STK11: variants seen among roughly 807,000 people sequenced by gnomAD.
STK11 encodes serine/threonine-protein kinase STK11.
STK11 carries 8 observed loss-of-function variants against 47.3 expected under a neutral mutation model. That is an observed-to-expected ratio of 0.17 (90% CI 0.10 to 0.31). The LOEUF (loss-of-function observed/expected upper bound fraction) is 0.31, where lower values mean the gene tolerates loss of function less well. Among genes scored for constraint, STK11 ranks in the 10% least tolerant of loss-of-function variants. The pLI is 1.00. For missense variants in STK11, 475 were observed against 605.0 expected, an observed-to-expected ratio of 0.79 and a Z score of 2.25; for synonymous variants, 330 against 255.8, an observed-to-expected ratio of 1.29 and a Z score of -2.77.
At chr19:1,217,604 G>A (rs953890464) in intron 1 of STK11, among the ~76,000 whole-genome samples, 4 of 152,288 alleles carry the variant, frequency 2.6e-5, no homozygotes, top group Admixed American at 1.3e-4. Context: ...AGTGACAGGC[G>A]GGTGGGTGTG....
intron 1 of STK11, among the ~76,000 whole-genome samples, chr19:1,216,668 C>T (rs762559774): frequency 6.6e-6 from 1 of 151,330 alleles, no homozygotes; most frequent in South Asian, 2.1e-4. Flanking sequence ...GTAGTTCAAA[C>T]GAGACCAGCC....
Position 1,206,065 on chromosome 19 carries a change from G to C in STK11, c.-849G>C, listed in dbSNP as rs1212282377. 1 of 145,986 alleles carries C rather than the reference G, an allele frequency of 6.8e-6. No individual in the cohort carries two copies. Among genetic ancestry groups the C allele is most frequent in the Non-Finnish European group, 1.5e-5 (1 of 65,730 alleles). The allele number at this position is 145,986 out of a possible 1,614,324, so 9.0% of individuals were successfully genotyped here. A position where few individuals can be genotyped will look rare whatever the true frequency, so the allele number is the denominator to read the frequency against. Reference sequence around the variant, plus strand: ...AGCCCCGTGGAGCCCCCGCCGCCGCGCCGCCCCGCGGACCGGACGCTGAGG... The same window carrying C: ...AGCCCCGTGGAGCCCCCGCCGCCGCCCCGCCCCGCGGACCGGACGCTGAGG... On this transcript the variant is annotated 5_prime_UTR_variant, in exon 1 of 10. Coordinates refer to ENST00000326873, the MANE Select transcript of STK11 (RefSeq NM_000455.5).
chr19:1,226,173 G>T, intron 8 of STK11: 3 of 1,300,126 alleles, frequency 2.3e-6, no homozygotes, highest in Non-Finnish European at 2.9e-6. Flanking sequence ...CCTGCAGTCA[G>T]TACCTGGGTG....
At chr19:1,217,696 C>T (rs906290830) in intron 1 of STK11, among the ~76,000 whole-genome samples, 3 of 152,190 alleles carry the variant, frequency 2.0e-5, no homozygotes, top group East Asian at 1.9e-4. Flanking sequence ...AGCTCACCTG[C>T]GGCCCACCCT....
chr19:1,212,558 C>T (rs1048174329), intron 1 of STK11, among the ~76,000 whole-genome samples: 1 of 151,518 alleles, frequency 6.6e-6, no homozygotes, highest in Non-Finnish European at 1.5e-5. Flanking sequence ...CCACGTTCAC[C>T]TTTATTTACT....
intron 1 of STK11, among the ~76,000 whole-genome samples, chr19:1,212,382 C>G (rs2080717681): frequency 6.7e-6 from 1 of 149,114 alleles, no homozygotes; most frequent in African/African-American, 2.5e-5. Context: ...CCTCCTGCCC[C>G]CAAGGTAGCT....
At position 1,221,803 on chromosome 19, in the gene STK11, CAGGG is replaced by C. The variant is rs2080786304; in HGVS notation, c.863-143_863-140del. ...GTCCCAGGAGTGGAGTGGCCTCTGT[CAGGG>C]AGACCGCCTGTGCGCGGGGTCCCCC... On this transcript the variant is annotated intron_variant, in intron 6 of 9. Transcript: ENST00000326873. 4.6e-6 allele frequency: 4 copies of C among 877,572 alleles called. No individual in the cohort carries two copies. In the South Asian group the frequency reaches 6.3e-5, roughly 14 times the overall value. The allele number at this position is 877,572 out of a possible 1,614,324, so 54.4% of individuals were successfully genotyped here.
intron 5 of STK11, 30 bp downstream of exon 5, chr19:1,220,747 C>G: frequency 6.3e-7 from 1 of 1,590,824 alleles, no homozygotes; most frequent in Non-Finnish European, 8.6e-7. Flanking sequence ...GGGCACTCAC[C>G]ACACGCACAC....
At position 1,227,933 on chromosome 19, in the gene STK11, GGCCCC is replaced by G; in HGVS notation, c.*361_*365del. The G allele has an allele frequency of 9.3e-7, 1 of 1,070,280 alleles. No homozygotes were observed. Among genetic ancestry groups the G allele is most frequent in the Non-Finnish European group, 1.1e-6 (1 of 882,290 alleles). 66.3% of individuals were successfully genotyped at this position (1,070,280 alleles called of 1,614,324 possible). On this transcript the variant is annotated 3_prime_UTR_variant, in exon 10 of 10. Transcript: ENST00000326873. ...CGCAGGGCGCCCAGCGCCGTCCGGC[GGCCCC>G]GCCGCAGACCAGCTGGCGGGTGTGG...
At chr19:1,218,702 CCT>C in intron 2 of STK11, among the ~76,000 whole-genome samples, 1 of 152,316 alleles carries the variant, frequency 6.6e-6, no homozygotes, top group Middle Eastern at 3.4e-3. Flanking sequence ...AGCCCTGGCC[CCT>C]GTGTCTTGGG....
At chr19:1,219,122 C>T (rs1428818031) in intron 2 of STK11, among the ~76,000 whole-genome samples, 2 of 152,090 alleles carry the variant, frequency 1.3e-5, no homozygotes, top group African/African-American at 2.4e-5. Context: ...CCTGTCCTCC[C>T]CTTCCCCGTA....
chr19:1,207,950 G>T (rs2080679853), intron 1 of STK11, among the ~76,000 whole-genome samples: 1 of 152,228 alleles, frequency 6.6e-6, no homozygotes, highest in African/African-American at 2.4e-5. Flanking sequence ...GGCAGCACTG[G>T]CCGGCCTGAG....
At chr19:1,220,263 A>G in intron 3 of STK11, 110 bp from the exon 4 acceptor site, 1 of 1,414,968 alleles carries the variant, frequency 7.1e-7, no homozygotes, top group Non-Finnish European at 9.5e-7. Context: ...GACTTCTGTG[A>G]CTTCCCAGCT....
At chr19:1,225,017 T>C in intron 8 of STK11, 1 of 984,294 alleles carries the variant, frequency 1.0e-6, no homozygotes, top group South Asian at 4.7e-5. Context: ...TCTGCGTGCC[T>C]CCACTTTGGC....
At chr19:1,224,327 A>G (rs2080806660) in intron 8 of STK11, 12 of 985,212 alleles carry the variant, frequency 1.2e-5, no homozygotes, top group Non-Finnish European at 1.4e-5. Flanking sequence ...CACCACGACC[A>G]TCGCGTCTGG....
rs1001742962 is a variant in STK11, at chr19:1,228,067, T to C, written c.*491T>C. 10 of 1,065,532 alleles carry C rather than the reference T, an allele frequency of 9.4e-6. No individual in the cohort carries two copies. Among genetic ancestry groups the C allele is most frequent in the African/African-American group, 4.9e-5 (3 of 61,030 alleles). The allele number at this position is 1,065,532 out of a possible 1,614,324, so 66.0% of individuals were successfully genotyped here. A position where few individuals can be genotyped will look rare whatever the true frequency, so the allele number is the denominator to read the frequency against. On this transcript the variant is annotated 3_prime_UTR_variant, in exon 10 of 10. Transcript: ENST00000326873. ...TTCCATTTTCTTTTTTTCTTTTTTT[T>C]TTTAAGAAAAAATAAAAGGTGGATT...
At chr19:1,210,824 T>C (rs182251214) in intron 1 of STK11, among the ~76,000 whole-genome samples, 1 of 148,644 alleles carries the variant, frequency 6.7e-6, no homozygotes, top group Admixed American at 6.8e-5. Context: ...ACCATGCCAT[T>C]GCACTCCAGC....
At chr19:1,210,393 A>C (rs2145410729) in intron 1 of STK11, among the ~76,000 whole-genome samples, 1 of 152,248 alleles carries the variant, frequency 6.6e-6, no homozygotes, top group East Asian at 1.9e-4. Flanking sequence ...CCGGTCCTCC[A>C]GTTGGTGTGG....
intron 1 of STK11, among the ~76,000 whole-genome samples, chr19:1,212,464 C>G (rs1386553231): frequency 1.3e-5 from 2 of 152,056 alleles, no homozygotes; most frequent in Admixed American, 1.3e-4. Context: ...GTTGTCCAGG[C>G]TGGTCTCAAA....
Sources: allele counts gnomAD v4.1 joint callset (sites outside exome capture counted in the v4.1 genomes callset), GRCh38; gene constraint gnomAD v4.1.1; transcripts MANE v1.5; gene names NCBI Gene and HGNC (gene_info 2026-07-23, HGNC 2026-07-21).